ANG: variants seen among roughly 807,000 people sequenced by gnomAD.
The protein encoded by ANG is Homo sapiens epididymis luminal protein 168.
For missense variants in ANG, 178 were observed against 187.4 expected (o/e 0.95, Z 0.29); for synonymous variants, 74 against 73.8 (o/e 1.00, Z -0.02).
chr14:20,688,661 G>A, upstream of ANG: 2 of 984,638 alleles, frequency 2.0e-6, no homozygotes, highest in African/African-American at 1.7e-5. Context: ...CCAGCGAAAA[G>A]GTGAATGACC....
rs7151470 is a variant in ANG, at chr14:20,689,044, G to A, written c.-19+170G>A. Among the ~76,000 whole-genome samples, 1,396 of 152,304 alleles carry A rather than the reference G, an allele frequency of 9.2e-3. 30 individuals are homozygous for A. The highest frequency in any genetic ancestry group is 0.032 in the African/African-American group (1,322 of 41,564). Reference sequence around the variant, plus strand: ...ACAGGTTTCTTTTGGGATGGCCTATGTGTGGATAAAGAGAAATTAGTGAGA... The same window carrying A: ...ACAGGTTTCTTTTGGGATGGCCTATATGTGGATAAAGAGAAATTAGTGAGA... On this transcript the variant is annotated intron_variant, in intron 1 of 1. Transcript: ENST00000397990.
intron 1 of ANG, among the ~76,000 whole-genome samples, chr14:20,693,109 A>G (rs541556624): frequency 1.0e-3 from 157 of 152,228 alleles, no homozygotes; most frequent in Admixed American, 1.8e-3. Context: ...GGCCTCCCAA[A>G]GTGCTGGGAT....
upstream of ANG, among the ~76,000 whole-genome samples, chr14:20,685,896 C>T (rs529825486): frequency 2.6e-5 from 4 of 152,110 alleles, no homozygotes; most frequent in South Asian, 2.1e-4. Flanking sequence ...AAAAATTAGC[C>T]GGGCACGGTG....
upstream of ANG, among the ~76,000 whole-genome samples, chr14:20,686,352 G>GC (rs139608804): frequency 0.049 from 7,451 of 152,322 alleles, 201 homozygotes; most frequent in Middle Eastern, 0.099. Context: ...AGATAATCAG[G>GC]TTATAAGCAG....
upstream of ANG, among the ~76,000 whole-genome samples, chr14:20,688,396 G>A (rs1282932319): frequency 6.6e-6 from 1 of 152,184 alleles, no homozygotes; most frequent in Non-Finnish European, 1.5e-5. Context: ...GCATCCTACT[G>A]GAAGACCATA....
At chr14:20,687,383 G>T (rs149763105), upstream of ANG, among the ~76,000 whole-genome samples, 155 of 152,342 alleles carry the variant, frequency 1.0e-3, no homozygotes, top group African/African-American at 3.4e-3. Context: ...GCTGCTGGTT[G>T]CCCCACCTCA....
upstream of ANG, among the ~76,000 whole-genome samples, chr14:20,685,044 A>G (rs1013990916): frequency 2.0e-5 from 3 of 152,130 alleles, no homozygotes; most frequent in African/African-American, 7.2e-5. Flanking sequence ...AACCTAAGGG[A>G]AGCCCTAGGA....
rs121909542 is a variant in ANG, at chr14:20,693,719, G to A, written c.155G>A (p.Ser52Asn). ...PQGRDDRYCE[S>N]IMRRRGLTSP... ...GGCCGGGATGACAGATACTGTGAAA[G>A]CATCATGAGGAGACGGGGCCTGACC... The change falls in exon 2 of 2, where the codon AGC becomes AAC. Residue 52 changes from serine to asparagine, a missense_variant. Physicochemically the swap from Ser to Asn is conservative, Grantham distance 46. Coordinates refer to ENST00000397990, the MANE Select transcript of ANG (RefSeq NM_001097577.3). The A allele has an allele frequency of 1.8e-5, 29 of 1,614,068 alleles. No homozygotes were observed. Among genetic ancestry groups the A allele is most frequent in the Non-Finnish European group, 2.5e-5 (29 of 1,180,040 alleles).
chr14:20,692,487 G>A (rs1249402837), intron 1 of ANG, among the ~76,000 whole-genome samples: 2 of 152,200 alleles, frequency 1.3e-5, no homozygotes, highest in Non-Finnish European at 2.9e-5. Flanking sequence ...TGGCCTGTCC[G>A]CCTAAGCTCT....
upstream of ANG, among the ~76,000 whole-genome samples, chr14:20,686,322 C>T (rs1181625480): frequency 3.9e-5 from 6 of 152,120 alleles, no homozygotes; most frequent in Non-Finnish European, 8.8e-5. Flanking sequence ...AGAGGAATGG[C>T]TTTAGCTATT....
At chr14:20,692,521 G>C (rs1163618286) in intron 1 of ANG, among the ~76,000 whole-genome samples, 1 of 152,260 alleles carries the variant, frequency 6.6e-6, no homozygotes, top group Non-Finnish European at 1.5e-5. Context: ...TCAGCAGGCA[G>C]CATTAGATTC....
chr14:20,686,002 T>G (rs923465279), upstream of ANG, among the ~76,000 whole-genome samples: 1 of 148,882 alleles, frequency 6.7e-6, no homozygotes, highest in Non-Finnish European at 1.5e-5. Context: ...ATTGCGTCAC[T>G]GCACTCTAGC....
In ANG at chr14:20,693,606, G is replaced by A. The variant is rs145436253; in HGVS notation, c.42G>A (p.Leu14=). The A allele has an allele frequency of 6.2e-7, 1 of 1,613,914 alleles. No individual in the cohort carries two copies. Among genetic ancestry groups the A allele is most frequent in the East Asian group, 2.2e-5 (1 of 44,866 alleles). The part of the protein sequence containing the change: ...GLGVLLLVFV[L]GLGLTPPTLA... ...GCGTTTTGTTGTTGGTCTTCGTGCTGGGTCTGGGTCTGACCCCACCGACCC... is the reference window on the plus strand; with the variant it reads ...GCGTTTTGTTGTTGGTCTTCGTGCTAGGTCTGGGTCTGACCCCACCGACCC... Residue 14 remains leucine (L), a synonymous_variant, in exon 2 of 2, where the codon CTG becomes CTA. Transcript: ENST00000397990.
At chr14:20,687,082 G>A (rs2139000721), upstream of ANG, among the ~76,000 whole-genome samples, 1 of 152,238 alleles carries the variant, frequency 6.6e-6, no homozygotes, top group Admixed American at 6.5e-5. Context: ...TTTTGCAATT[G>A]GCGATTCCTT....
At chr14:20,690,642 G>C (rs1229954951) in intron 1 of ANG, among the ~76,000 whole-genome samples, 2 of 152,106 alleles carry the variant, frequency 1.3e-5, no homozygotes, top group Non-Finnish European at 2.9e-5. Flanking sequence ...AGGGTCACTG[G>C]ACCTTTGCTA....
rs778252755 is a variant in ANG, at chr14:20,693,942, C to T, written c.378C>T (p.Asn126=). 3 of 1,614,110 alleles carry T rather than the reference C, an allele frequency of 1.9e-6. No homozygotes were observed. The highest frequency in any genetic ancestry group is 1.3e-5 in the African/African-American group (1 of 75,016). ...ACCGAGCCACAGCGGGGTTCAGAAA[C>T]GTTGTTGTTGCTTGTGAAAATGGCT... ...CQYRATAGFR[N]VVVACENGLP... Residue 126 remains asparagine, a synonymous_variant, in exon 2 of 2, where the codon AAC becomes AAT. Coordinates refer to ENST00000397990, the MANE Select transcript of ANG (RefSeq NM_001097577.3).
At chr14:20,689,538 C>T (rs944257345) in intron 1 of ANG, among the ~76,000 whole-genome samples, 1 of 152,124 alleles carries the variant, frequency 6.6e-6, no homozygotes, top group Non-Finnish European at 1.5e-5. Flanking sequence ...CTTTTGAATA[C>T]TGAACATTGC....
upstream of ANG, among the ~76,000 whole-genome samples, chr14:20,686,120 A>G (rs1886415210): frequency 6.6e-6 from 1 of 151,764 alleles, no homozygotes; most frequent in Non-Finnish European, 1.5e-5. Context: ...TGGGCAATAC[A>G]TGTCTCTTTC....
intron 1 of ANG, among the ~76,000 whole-genome samples, chr14:20,689,681 C>T (rs555162051): frequency 6.6e-6 from 1 of 152,264 alleles, no homozygotes; most frequent in South Asian, 2.1e-4. Context: ...CTTTGGGAAG[C>T]CGAGGTAGCC....
Sources: gnomAD v4.1 joint callset for allele counts (sites outside exome capture counted in the v4.1 genomes callset) on GRCh38, gnomAD v4.1.1 for gene constraint, MANE v1.5 for transcripts, NCBI Gene and HGNC (gene_info 2026-07-23, HGNC 2026-07-21) for gene names.